Variants in AGBL4 observed in about 807,000 individuals in gnomAD.
The protein encoded by AGBL4 is cytosolic carboxypeptidase 6.
AGBL4 carries 58 observed loss-of-function variants against 66.4 expected under a neutral mutation model. That is an observed-to-expected ratio of 0.87 (90% CI 0.71 to 1.09). The LOEUF (loss-of-function observed/expected upper bound fraction) is 1.09. AGBL4 is among the 50% of genes least tolerant of loss of function. The pLI, the probability that AGBL4 is intolerant of heterozygous loss-of-function variation, is 0.00. For missense variants in AGBL4, 579 were observed against 631.0 expected, an observed-to-expected ratio of 0.92 and a Z score of 0.88; for synonymous variants, 234 against 222.9, an observed-to-expected ratio of 1.05 and a Z score of -0.44.
chr1:49,413,520 G>A (rs1297607339), intron 3 of AGBL4, among the ~76,000 whole-genome samples: 1 of 152,220 alleles, frequency 6.6e-6, no homozygotes, highest in Non-Finnish European at 1.5e-5. Context: ...CCTTTTCCTA[G>A]ACCTGAGGGT....
chr1:49,502,901 A>G (rs1171427373), intron 3 of AGBL4, among the ~76,000 whole-genome samples: 1 of 152,144 alleles, frequency 6.6e-6, no homozygotes, highest in Non-Finnish European at 1.5e-5. Context: ...GCTATTGAAA[A>G]TAAAAACCAT....
chr1:49,864,358 A>C (rs1426107725), intron 1 of AGBL4, among the ~76,000 whole-genome samples: 4 of 152,226 alleles, frequency 2.6e-5, no homozygotes, highest in Admixed American at 2.6e-4. Context: ...TGATAGCATC[A>C]CAGGATGACT....
intron 6 of AGBL4, among the ~76,000 whole-genome samples, chr1:48,793,767 C>G (rs530706177): frequency 6.6e-5 from 10 of 152,028 alleles, no homozygotes; most frequent in African/African-American, 2.2e-4. Context: ...ATTATTATCT[C>G]TAAGCACACT....
intron 4 of AGBL4, among the ~76,000 whole-genome samples, chr1:49,067,657 C>T (rs924684285): frequency 1.3e-5 from 2 of 152,164 alleles, no homozygotes; most frequent in African/African-American, 4.8e-5. Context: ...CTCTCTCAAT[C>T]CCTTTTATTT....
chr1:49,135,534 T>TTGTGGG (rs1255523211), intron 4 of AGBL4, among the ~76,000 whole-genome samples: 3 of 152,104 alleles, frequency 2.0e-5, no homozygotes, highest in African/African-American at 7.2e-5. Flanking sequence ...CACATGTTTA[T>TTGTGGG]TAACAGCAAA....
intron 5 of AGBL4, among the ~76,000 whole-genome samples, chr1:48,995,473 C>G (rs1413926930): frequency 6.6e-6 from 1 of 152,024 alleles, no homozygotes; most frequent in African/African-American, 2.4e-5. Context: ...ATGCCTTGCC[C>G]CAAAGGAGTT....
intron 1 of AGBL4, among the ~76,000 whole-genome samples, chr1:49,931,221 A>T (rs1370891128): frequency 6.6e-6 from 1 of 152,214 alleles, no homozygotes; most frequent in Non-Finnish European, 1.5e-5. Flanking sequence ...TATATTATAA[A>T]CTACAAAATA....
At chr1:49,459,266 C>T (rs1646458993) in intron 3 of AGBL4, among the ~76,000 whole-genome samples, 1 of 151,486 alleles carries the variant, frequency 6.6e-6, no homozygotes, top group Middle Eastern at 3.2e-3. Flanking sequence ...TTTTAAATTA[C>T]CATTTCAATC....
At chr1:48,562,920 G>T (rs138401395) in intron 11 of AGBL4, among the ~76,000 whole-genome samples, 152 of 152,292 alleles carry the variant, frequency 1.0e-3, no homozygotes, top group African/African-American at 3.5e-3. Context: ...CAGGGTTATG[G>T]CAGGTAGTGG....
chr1:49,561,003 A>G (rs1010857299), intron 3 of AGBL4, among the ~76,000 whole-genome samples: 2 of 152,138 alleles, frequency 1.3e-5, no homozygotes, highest in South Asian at 4.2e-4. Flanking sequence ...AGAAATAACT[A>G]ATCACCTGAA....
intron 2 of AGBL4, among the ~76,000 whole-genome samples, chr1:49,721,040 C>A (rs995254108): frequency 6.6e-6 from 1 of 152,052 alleles, no homozygotes; most frequent in Non-Finnish European, 1.5e-5. Flanking sequence ...ATAAAATGCA[C>A]CAATCAGCAC....
chr1:49,813,637 G>C (rs180982839), intron 2 of AGBL4, among the ~76,000 whole-genome samples: 9 of 152,258 alleles, frequency 5.9e-5, no homozygotes, highest in African/African-American at 1.9e-4. Context: ...TGTACTAGGT[G>C]CTGGGGACAT....
intron 8 of AGBL4, among the ~76,000 whole-genome samples, chr1:48,638,346 TC>T (rs1298872797): frequency 1.3e-5 from 2 of 152,214 alleles, no homozygotes; most frequent in African/African-American, 4.8e-5. Context: ...AGCTGTGTGA[TC>T]TTTTTTAAAT....
intron 3 of AGBL4, among the ~76,000 whole-genome samples, chr1:49,382,720 A>G (rs561706739): frequency 1.2e-4 from 19 of 152,310 alleles, no homozygotes; most frequent in African/African-American, 4.3e-4. Flanking sequence ...GAAAAAAGAA[A>G]AGTATCTCTG....
At chr1:49,954,757 G>A (rs1268400720) in intron 1 of AGBL4, among the ~76,000 whole-genome samples, 1 of 151,810 alleles carries the variant, frequency 6.6e-6, no homozygotes, top group Non-Finnish European at 1.5e-5. Context: ...CCCCTTTATT[G>A]TTTCTTCTGC....
intron 4 of AGBL4, among the ~76,000 whole-genome samples, chr1:49,201,635 A>G (rs572434021): frequency 6.6e-6 from 1 of 152,334 alleles, no homozygotes; most frequent in South Asian, 2.1e-4. Flanking sequence ...ATGACATTTC[A>G]TGCCAGATCT....
At chr1:49,757,837 A>G (rs558811916) in intron 2 of AGBL4, among the ~76,000 whole-genome samples, 1 of 152,354 alleles carries the variant, frequency 6.6e-6, no homozygotes, top group South Asian at 2.1e-4. Flanking sequence ...AATAGAAAAG[A>G]AAAATCCATT....
chr1:49,459,214 C>T (rs1044834370), intron 3 of AGBL4, among the ~76,000 whole-genome samples: 18 of 151,636 alleles, frequency 1.2e-4, no homozygotes, highest in Non-Finnish European at 2.2e-4. Context: ...TAGAATTCAG[C>T]TGTGAATCTA....
chr1:49,918,992 A>G (rs1429103477), intron 1 of AGBL4, among the ~76,000 whole-genome samples: 9 of 152,224 alleles, frequency 5.9e-5, no homozygotes, highest in Non-Finnish European at 1.2e-4. Context: ...CCACATGATT[A>G]TCTCAATAGA....
Sources: allele counts gnomAD v4.1 joint callset (sites outside exome capture counted in the v4.1 genomes callset), GRCh38; gene constraint gnomAD v4.1.1; transcripts MANE v1.5; gene names NCBI Gene and HGNC (gene_info 2026-07-23, HGNC 2026-07-21).